Variants in CATSPERE observed in about 807,000 individuals in gnomAD.
CATSPERE encodes the protein catsper channel auxiliary subunit epsilon, also known as cation channel sperm-associated auxiliary subunit epsilon.
CATSPERE carries 93 observed loss-of-function variants against 114.1 expected under a neutral mutation model. The ratio of observed to expected loss-of-function variants is 0.81; its 90% confidence interval spans 0.69 to 0.97. The LOEUF (loss-of-function observed/expected upper bound fraction) is 0.97. Ranked by LOEUF, CATSPERE falls within the 50% of genes least tolerant of loss-of-function variation. CATSPERE has a pLI of 0.00. For synonymous variants in CATSPERE, 341 were observed against 384.1 expected, an observed-to-expected ratio of 0.89 and a Z score of 1.31; for missense variants, 1,058 against 1,131.6, an observed-to-expected ratio of 0.93 and a Z score of 0.93.
At chr1:244,472,862 G>A (rs1331926353) in intron 2 of CATSPERE, among the ~76,000 whole-genome samples, 1 of 151,998 alleles carries the variant, frequency 6.6e-6, no homozygotes, top group African/African-American at 2.4e-5. Context: ...ATGTCATTTA[G>A]TGGGAATCAA....
chr1:244,594,524 T>G (rs527546452), intron 17 of CATSPERE, among the ~76,000 whole-genome samples: 14 of 152,252 alleles, frequency 9.2e-5, no homozygotes, highest in Admixed American at 8.5e-4. Flanking sequence ...ATTTCTAAAT[T>G]TTTTGCTATT....
intron 7 of CATSPERE, among the ~76,000 whole-genome samples, chr1:244,514,218 G>A (rs554862908): frequency 4.9e-4 from 75 of 152,170 alleles, no homozygotes; most frequent in African/African-American, 1.8e-3. Context: ...TTATCGTTTA[G>A]CTCTTAACAT....
chr1:244,474,722 C>CT (rs1558322757), intron 2 of CATSPERE, among the ~76,000 whole-genome samples: 3 of 144,624 alleles, frequency 2.1e-5, no homozygotes, highest in South Asian at 4.4e-4. Context: ...TTAATCCCTT[C>CT]TTTTTTTTCT....
chr1:244,523,911 C>T (rs1445413096), intron 8 of CATSPERE, among the ~76,000 whole-genome samples: 2 of 147,180 alleles, frequency 1.4e-5, no homozygotes, highest in Admixed American at 6.7e-5. Flanking sequence ...GGCCATACTG[C>T]CCAAGGTAAT....
intron 20 of CATSPERE, among the ~76,000 whole-genome samples, chr1:244,623,058 T>TTTTATTTA (rs6143712): frequency 0.53 from 77,195 of 145,350 alleles, 21,244 homozygotes; most frequent in South Asian, 0.64. Flanking sequence ...TTTGTCTTAT[T>TTTTATTTA]TTTATTTATT....
rs1022210973 is a variant in CATSPERE, at chr1:244,568,916, A to T, written c.1508-3414A>T. Among the ~76,000 whole-genome samples the T allele has an allele frequency of 1.6e-4, 24 of 152,036 alleles. No homozygotes were observed. The highest frequency in any genetic ancestry group is 5.8e-4 in the African/African-American group (24 of 41,402). On this transcript the variant is annotated intron_variant, in intron 10 of 21. Transcript: ENST00000366534. The surrounding 1 kb of genome is among the most constrained non-coding windows in gnomAD (Gnocchi z 4.4). ...AAAAAAAACAAAAACAAAAACAAAG[A>T]CAAAAAACTCCTGCAGCTAGCCTGG... is the stretch of plus-strand genomic sequence containing the variant.
At chr1:244,551,712 GA>G (rs1237860331) in intron 8 of CATSPERE, among the ~76,000 whole-genome samples, 1 of 151,924 alleles carries the variant, frequency 6.6e-6, no homozygotes, top group African/African-American at 2.4e-5. Flanking sequence ...TAATAAAAGA[GA>G]AAAAAGAAGG....
rs557157661 is a variant in CATSPERE, at chr1:244,504,675, T to G, written c.429+5596T>G. ...CAGTCCATTGGGATTCATCTGAGAT[T>G]TTTCTCATAATCAGATTGGAGTTAG... On this transcript the variant is annotated intron_variant, in intron 7 of 21. Coordinates refer to ENST00000366534, the MANE Select transcript of CATSPERE (RefSeq NM_001130957.2). The surrounding 1 kb of genome is among the most constrained non-coding windows in gnomAD (Gnocchi z 4.1). 1.6e-4 allele frequency among the ~76,000 whole-genome samples: 25 copies of G among 152,300 alleles called. No individual in the cohort carries two copies. Among genetic ancestry groups the G allele is most frequent in the Admixed American group, 1.2e-3 (19 of 15,304 alleles).
upstream of CATSPERE, chr1:244,451,650 G>C: frequency 6.2e-7 from 1 of 1,610,462 alleles, no homozygotes; most frequent in South Asian, 1.1e-5. This position sits in a 1 kb window ranked among gnomAD's most constrained non-coding sequence, Gnocchi z 6.6. Context: ...AGCGGCACAC[G>C]ATGTCGGCGT....
chr1:244,564,485 T>C (rs1002212632), intron 10 of CATSPERE, among the ~76,000 whole-genome samples: 1 of 152,216 alleles, frequency 6.6e-6, no homozygotes, highest in Non-Finnish European at 1.5e-5. Context: ...TAAGTTGTAT[T>C]CCTAGGTATT....
intron 5 of CATSPERE, among the ~76,000 whole-genome samples, chr1:244,481,628 T>A (rs1169668687): frequency 6.6e-6 from 1 of 152,170 alleles, no homozygotes; most frequent in Non-Finnish European, 1.5e-5. Context: ...CCACCCCATT[T>A]ACCCCCAAAT....
intron 5 of CATSPERE, among the ~76,000 whole-genome samples, chr1:244,484,675 T>C (rs1670720493): frequency 6.6e-6 from 1 of 152,246 alleles, no homozygotes; most frequent in Non-Finnish European, 1.5e-5. Flanking sequence ...TTATCCTTCA[T>C]ATTGGACATT....
chr1:244,527,019 G>A (rs560474248), intron 8 of CATSPERE, among the ~76,000 whole-genome samples: 7 of 152,226 alleles, frequency 4.6e-5, no homozygotes, highest in African/African-American at 7.2e-5. Context: ...ATGTCACAAG[G>A]CAAATGGAGG....
intron 2 of CATSPERE, among the ~76,000 whole-genome samples, chr1:244,470,533 A>G (rs376898299): frequency 2.0e-5 from 3 of 152,150 alleles, no homozygotes; most frequent in African/African-American, 4.8e-5. Context: ...GTGGGGATGT[A>G]GAGAAATGGG....
chr1:244,541,924 G>A lies in CATSPERE; in HGVS notation c.537-10398G>A, dbSNP rs1458227676. On this transcript the variant is annotated intron_variant, in intron 8 of 21. Coordinates refer to ENST00000366534, the MANE Select transcript of CATSPERE (RefSeq NM_001130957.2). ...TCGCAAGAACAAAAAACCAAACACC[G>A]CATATTCTCACTCATAGGTGGGAAT... Among the ~76,000 whole-genome samples the A allele has an allele frequency of 1.0e-4, 14 of 137,948 alleles. No homozygotes were observed. The East Asian group carries it at 2.2e-3, about 22-fold the overall frequency. The allele number at this position is 137,948 out of a possible 152,430, so 90.5% of individuals were successfully genotyped here.
chr1:244,514,675 A>C (rs943690708), intron 7 of CATSPERE, among the ~76,000 whole-genome samples: 4 of 151,970 alleles, frequency 2.6e-5, no homozygotes, highest in African/African-American at 9.7e-5. Context: ...TAAAAATACA[A>C]AAAATTAGCT....
Position 244,568,581 on chromosome 1 carries a change from C to G in CATSPERE, c.1508-3749C>G, listed in dbSNP as rs1334200884. On this transcript the variant is annotated intron_variant, in intron 10 of 21. Coordinates refer to ENST00000366534, the MANE Select transcript of CATSPERE (RefSeq NM_001130957.2). This position sits in a 1 kb window ranked among gnomAD's most constrained non-coding sequence, Gnocchi z 4.4. ...TAGAGAGGCAGTCTGGCTATGGCAG[C>G]TGTGCCGAGCTGTGGTGGGCTCCGC... 6.6e-6 allele frequency among the ~76,000 whole-genome samples: 1 copy of G among 152,246 alleles called. No homozygotes were observed. Among genetic ancestry groups the G allele is most frequent in the African/African-American group, 2.4e-5 (1 of 41,458 alleles).
In CATSPERE at chr1:244,635,861, C is replaced by G. The variant is rs368109636; in HGVS notation, c.2702+319C>G. Among the ~76,000 whole-genome samples the G allele has an allele frequency of 2.0e-5, 3 of 152,150 alleles. No homozygotes were observed. The East Asian group carries it at 5.8e-4, about 29-fold the overall frequency. The stretch of plus-strand genomic sequence containing the variant: ...AGAAACTTGCTGTTTCCCTGAAGCC[C>G]TGGTACTTCTGCCCCCTATATGACA... On this transcript the variant is annotated intron_variant, in intron 21 of 21. Coordinates refer to ENST00000366534, the MANE Select transcript of CATSPERE (RefSeq NM_001130957.2).
Position 244,639,990 on chromosome 1 carries a change from T to C in CATSPERE, c.2765T>C (p.Leu922Pro). Reference protein sequence around the residue: ...FVLMLLFFTILVLSYFRYMRI... With the variant: ...FVLMLLFFTIPVLSYFRYMRI... ...CTGATGCTGCTCTTCTTCACTATTC[T>C]TGTTTTGAGCTACTTTCGGTACATG... is the stretch of plus-strand genomic sequence containing the variant. The change falls in exon 22 of 22, where the codon CTT becomes CCT. Residue 922 changes from leucine (L) to proline (P), a missense_variant. Physicochemically the swap from Leu to Pro is moderately conservative, Grantham distance 98 (BLOSUM62 -3). Transcript: ENST00000366534. 9 of 1,551,458 alleles carry C rather than the reference T, an allele frequency of 5.8e-6. No individual in the cohort carries two copies. Among genetic ancestry groups the C allele is most frequent in the Non-Finnish European group, 7.8e-6 (9 of 1,146,894 alleles).
Sources: gnomAD v4.1 joint callset for allele counts (sites outside exome capture counted in the v4.1 genomes callset) on GRCh38, gnomAD v4.1.1 for gene constraint, Gnocchi (gnomAD v3.1) non-coding constraint, MANE v1.5 for transcripts, NCBI Gene and HGNC (gene_info 2026-07-23, HGNC 2026-07-21) for gene names.